Variants in SDHAF3 observed in about 807,000 individuals in gnomAD.
SDHAF3 encodes the protein succinate dehydrogenase complex assembly factor 3, also known as succinate dehydrogenase assembly factor 3, mitochondrial.
Under a neutral mutation model 11.5 loss-of-function variants are expected in SDHAF3, and 18 were observed. The observed-to-expected ratio is 1.56, with a 90% CI of 1.08 to 2.32. SDHAF3 has a LOEUF of 2.32. SDHAF3 is among the 30% of genes most tolerant of loss of function. The pLI is 0.00. For missense variants in SDHAF3, 200 were observed against 154.4 expected, an observed-to-expected ratio of 1.30 and a Z score of -1.57; for synonymous variants, 72 against 59.3, an observed-to-expected ratio of 1.21 and a Z score of -0.99.
At chr7:97,165,536 G>T (rs1201024047) in intron 1 of SDHAF3, among the ~76,000 whole-genome samples, 1 of 151,814 alleles carries the variant, frequency 6.6e-6, no homozygotes, top group Non-Finnish European at 1.5e-5. Flanking sequence ...AAATGACTAG[G>T]TGAGATTTTG....
intron 1 of SDHAF3, among the ~76,000 whole-genome samples, chr7:97,148,667 T>C (rs1299917916): frequency 1.3e-5 from 2 of 152,234 alleles, no homozygotes; most frequent in Non-Finnish European, 1.5e-5. Context: ...ATCACTGATA[T>C]AAAGCTAACA....
intron 1 of SDHAF3, among the ~76,000 whole-genome samples, chr7:97,121,030 A>G (rs1554349857): frequency 6.6e-6 from 1 of 152,246 alleles, no homozygotes; most frequent in Non-Finnish European, 1.5e-5. Flanking sequence ...GTAATTTCTC[A>G]CCATAAGAGA....
At chr7:97,152,179 G>A (rs79838863) in intron 1 of SDHAF3, among the ~76,000 whole-genome samples, 14 of 152,230 alleles carry the variant, frequency 9.2e-5, no homozygotes, top group African/African-American at 3.1e-4. Context: ...AACCCCCAAT[G>A]GGTTCTACTT....
intron 1 of SDHAF3, chr7:97,135,683 T>TATATATATATA (rs367669649): frequency 3.2e-5 from 2 of 62,882 alleles, no homozygotes; most frequent in African/African-American, 1.2e-4. Context: ...TATATATATA[T>TATATATATATA]TTTTTTTTTT....
At chr7:97,148,050 C>T (rs903635006) in intron 1 of SDHAF3, among the ~76,000 whole-genome samples, 3 of 151,904 alleles carry the variant, frequency 2.0e-5, no homozygotes, top group Admixed American at 2.0e-4. Flanking sequence ...ATTACAGGCA[C>T]ATGCTACCAT....
intron 1 of SDHAF3, among the ~76,000 whole-genome samples, chr7:97,165,014 T>A (rs182443737): frequency 6.6e-6 from 1 of 152,330 alleles, no homozygotes; most frequent in African/African-American, 2.4e-5. Flanking sequence ...TATAACTCAC[T>A]CTTTAAAAGA....
At chr7:97,118,270 ATTAG>A (rs776305922) in intron 1 of SDHAF3, among the ~76,000 whole-genome samples, 5 of 152,218 alleles carry the variant, frequency 3.3e-5, no homozygotes. Flanking sequence ...TGGTTCTCTT[ATTAG>A]TTTTCAAATT....
rs1029166621 is a variant in SDHAF3, at chr7:97,178,775, T to C, written c.175-2237T>C. Among the ~76,000 whole-genome samples, 3 of 152,104 alleles carry C rather than the reference T, an allele frequency of 2.0e-5. No homozygotes were observed. The East Asian group carries it at 5.8e-4, about 29-fold the overall frequency. ...CCCTTTTCAGATACGATTTGCAAAT[T>C]TTTTCTCATTTTGTAGTTTGTCTTT... is the stretch of plus-strand genomic sequence containing the variant. On this transcript the variant is annotated intron_variant, in intron 1 of 1. Coordinates refer to ENST00000432641, the MANE Select transcript of SDHAF3 (RefSeq NM_020186.3).
intron 1 of SDHAF3, among the ~76,000 whole-genome samples, chr7:97,177,347 A>G (rs1347639938): frequency 6.6e-6 from 1 of 151,964 alleles, no homozygotes; most frequent in Non-Finnish European, 1.5e-5. Flanking sequence ...TAAAAATACA[A>G]AAAATTTACC....
At chr7:97,147,671 C>T (rs1402786839) in intron 1 of SDHAF3, among the ~76,000 whole-genome samples, 1 of 152,170 alleles carries the variant, frequency 6.6e-6, no homozygotes, top group East Asian at 1.9e-4. Flanking sequence ...ATTACTCTTA[C>T]TGTATAAATA....
intron 1 of SDHAF3, among the ~76,000 whole-genome samples, chr7:97,165,107 ACC>A (rs1789480993): frequency 6.6e-6 from 1 of 151,874 alleles, no homozygotes; most frequent in Non-Finnish European, 1.5e-5. Context: ...ACTTGGTGAA[ACC>A]CCATCTCTAC....
chr7:97,152,205 A>G (rs547034918), intron 1 of SDHAF3, among the ~76,000 whole-genome samples: 1 of 152,326 alleles, frequency 6.6e-6, no homozygotes, highest in East Asian at 1.9e-4. Flanking sequence ...CTGCCAGATG[A>G]AGCCAATTTA....
At chr7:97,145,533 T>C (rs947618818) in intron 1 of SDHAF3, among the ~76,000 whole-genome samples, 1 of 152,196 alleles carries the variant, frequency 6.6e-6, no homozygotes, top group Non-Finnish European at 1.5e-5. Context: ...TCATTTTTCT[T>C]AGTAAGTTTA....
chr7:97,157,543 G>A, intron 1 of SDHAF3, among the ~76,000 whole-genome samples: 1 of 152,188 alleles, frequency 6.6e-6, no homozygotes, highest in East Asian at 1.9e-4. Context: ...TTCAGCCATT[G>A]TGGAAGTCAG....
At chr7:97,147,538 A>G (rs1480623314) in intron 1 of SDHAF3, among the ~76,000 whole-genome samples, 1 of 152,232 alleles carries the variant, frequency 6.6e-6, no homozygotes, top group Non-Finnish European at 1.5e-5. Context: ...TGATTTGCAA[A>G]TTAGTTCTGA....
At chr7:97,131,171 T>C (rs571581315) in intron 1 of SDHAF3, among the ~76,000 whole-genome samples, 6 of 152,370 alleles carry the variant, frequency 3.9e-5, no homozygotes, top group African/African-American at 1.4e-4. Flanking sequence ...ATTAAACTTT[T>C]GTGCTGTAAG....
chr7:97,161,046 A>G (rs1054467408), intron 1 of SDHAF3, among the ~76,000 whole-genome samples: 3 of 152,088 alleles, frequency 2.0e-5, no homozygotes, highest in Non-Finnish European at 2.9e-5. Flanking sequence ...TGTGCTTTGC[A>G]TTGTGATCTT....
rs552169504 is a variant in SDHAF3, at chr7:97,181,497, A to G, written c.*282A>G. ...TAAAATGCTATTCTCATCCAGCCAT[A>G]TTAGTCTTCTGGCTTTTCTTTAGCT... On this transcript the variant is annotated 3_prime_UTR_variant, in exon 2 of 2. Coordinates refer to ENST00000432641, the MANE Select transcript of SDHAF3 (RefSeq NM_020186.3). 133 of 241,548 alleles carry G rather than the reference A, an allele frequency of 5.5e-4. 1 individual carries two copies. The highest frequency in any genetic ancestry group is 3.0e-3 in the African/African-American group (130 of 44,010). The allele number at this position is 241,548 out of a possible 1,614,324, so 15.0% of individuals were successfully genotyped here.
In SDHAF3 at chr7:97,161,069, C is replaced by T. The variant is rs370945856; in HGVS notation, c.175-19943C>T. ...GCATTGTGATCTTTTTCTAGGCTAG[C>T]GACATACAGTGCAATAGCCTTTTGT... On this transcript the variant is annotated intron_variant, in intron 1 of 1. Transcript: ENST00000432641. 3.9e-5 allele frequency among the ~76,000 whole-genome samples: 6 copies of T among 152,094 alleles called. No homozygotes were observed. The South Asian group carries it at 8.3e-4, about 21-fold the overall frequency.
Sources: gnomAD v4.1 joint callset for allele counts (sites outside exome capture counted in the v4.1 genomes callset) on GRCh38, gnomAD v4.1.1 for gene constraint, MANE v1.5 for transcripts, NCBI Gene and HGNC (gene_info 2026-07-23, HGNC 2026-07-21) for gene names.